Variants in VAV3 observed in about 807,000 individuals in gnomAD.
VAV3 encodes the protein guanine nucleotide exchange factor VAV3.
Under a neutral mutation model 131.2 loss-of-function variants are expected in VAV3, and 94 were observed. The observed-to-expected ratio is 0.72, with a 90% CI of 0.61 to 0.85. The LOEUF (loss-of-function observed/expected upper bound fraction) is 0.85, where lower values mean the gene tolerates loss of function less well. VAV3 is among the 40% of genes least tolerant of loss of function. VAV3 has a pLI of 0.00. For synonymous variants in VAV3, 349 were observed against 342.0 expected (o/e 1.02, Z -0.22); for missense variants, 939 against 1,002.7 (o/e 0.94, Z 0.86).
At chr1:107,825,647 C>T (rs960762759) in intron 2 of VAV3, among the ~76,000 whole-genome samples, 1 of 152,090 alleles carries the variant, frequency 6.6e-6, no homozygotes, top group Non-Finnish European at 1.5e-5. Flanking sequence ...TTGACCTTTC[C>T]TACCCCAATG....
chr1:107,962,228 C>T (rs923690618), intron 1 of VAV3, among the ~76,000 whole-genome samples: 4 of 152,202 alleles, frequency 2.6e-5, no homozygotes, highest in African/African-American at 9.7e-5. Flanking sequence ...ACATCTCTAA[C>T]TCCAGGGGAA....
At chr1:107,724,076 T>C (rs1661684995) in intron 15 of VAV3, among the ~76,000 whole-genome samples, 1 of 152,210 alleles carries the variant, frequency 6.6e-6, no homozygotes, top group Non-Finnish European at 1.5e-5. Flanking sequence ...TTAAGGAGTA[T>C]AGAAATTAAT....
At position 107,657,480 on chromosome 1, in the gene VAV3, T is replaced by C. The variant is rs570052386; in HGVS notation, c.1778-14725A>G. On this transcript the variant is annotated intron_variant, in intron 19 of 26. Transcript: ENST00000370056. Reference sequence around the variant, plus strand: ...CTATCTCAGGAAATAATGAGCACTATAGAAAAGGACGGCTAAGAAAGAATT... The same window carrying C: ...CTATCTCAGGAAATAATGAGCACTACAGAAAAGGACGGCTAAGAAAGAATT... Among the ~76,000 whole-genome samples the C allele has an allele frequency of 1.2e-3, 188 of 152,334 alleles. 1 individual carries two copies. Among genetic ancestry groups the C allele is most frequent in the Admixed American group, 2.2e-3 (34 of 15,294 alleles).
At chr1:107,736,752 T>C (rs1662663776) in intron 15 of VAV3, among the ~76,000 whole-genome samples, 1 of 151,834 alleles carries the variant, frequency 6.6e-6, no homozygotes, top group Non-Finnish European at 1.5e-5. Flanking sequence ...ATAGGAAGAA[T>C]CAATATCGTA....
At chr1:107,581,648 T>A (rs965221047) in intron 25 of VAV3, among the ~76,000 whole-genome samples, 2 of 152,120 alleles carry the variant, frequency 1.3e-5, no homozygotes, top group African/African-American at 4.8e-5. Context: ...AGAATGCCAA[T>A]TAAAAAGAAA....
chr1:107,861,275 C>T (rs1669725370), intron 2 of VAV3, among the ~76,000 whole-genome samples: 1 of 151,628 alleles, frequency 6.6e-6, no homozygotes, highest in South Asian at 2.1e-4. Context: ...GCTAAAAATA[C>T]TTCAACAATT....
chr1:107,867,690 G>A (rs1049422427), intron 2 of VAV3, among the ~76,000 whole-genome samples: 1 of 152,172 alleles, frequency 6.6e-6, no homozygotes, highest in Non-Finnish European at 1.5e-5. Context: ...AAGCAAACGC[G>A]GCCTTGGTGA....
At chr1:107,871,451 G>A (rs1670249760) in intron 2 of VAV3, among the ~76,000 whole-genome samples, 1 of 150,718 alleles carries the variant, frequency 6.6e-6, no homozygotes, top group African/African-American at 2.4e-5. Flanking sequence ...GAAGGCCTCT[G>A]CTGACTCTTA....
chr1:107,610,955 A>G (rs987666978), intron 21 of VAV3, among the ~76,000 whole-genome samples: 4 of 152,170 alleles, frequency 2.6e-5, no homozygotes, highest in Non-Finnish European at 5.9e-5. Flanking sequence ...GAACTAGCCA[A>G]TGTGAACATG....
chr1:107,891,126 A>G (rs1281111019), intron 1 of VAV3, among the ~76,000 whole-genome samples: 1 of 148,404 alleles, frequency 6.7e-6, no homozygotes, highest in Non-Finnish European at 1.5e-5. Flanking sequence ...TCCTACCACA[A>G]TTATTGCTAG....
rs552434763 is a variant in VAV3, at chr1:107,669,612, G to GT, written c.1777+13875dup. 143 of 1,061,648 alleles carry GT rather than the reference G, an allele frequency of 1.3e-4. No individual in the cohort carries two copies. The African/African-American group carries it at 2.3e-3, about 17-fold the overall frequency. 65.8% of individuals were successfully genotyped at this position (1,061,648 alleles called of 1,614,324 possible). A position where few individuals can be genotyped will look rare whatever the true frequency, so the allele number is the denominator to read the frequency against. ...AGAGCCTCCTTTTCTTGCACAACAG[G>GT]TTTTTTTGTTTTTCCTATTTATGAT... On this transcript the variant is annotated intron_variant, in intron 19 of 26. Transcript: ENST00000370056.
chr1:107,733,529 T>C (rs1662392298), intron 15 of VAV3, among the ~76,000 whole-genome samples: 1 of 151,922 alleles, frequency 6.6e-6, no homozygotes, highest in Non-Finnish European at 1.5e-5. Flanking sequence ...GAATAAACAG[T>C]GTAGAGAAGA....
chr1:107,895,908 C>T (rs1194881874), intron 1 of VAV3, among the ~76,000 whole-genome samples: 1 of 152,150 alleles, frequency 6.6e-6, no homozygotes, highest in African/African-American at 2.4e-5. Flanking sequence ...GAAATTACCC[C>T]TGAAACAATT....
At chr1:107,760,281 G>A (rs1200200952) in intron 10 of VAV3, among the ~76,000 whole-genome samples, 4 of 152,174 alleles carry the variant, frequency 2.6e-5, no homozygotes, top group Admixed American at 6.5e-5. Flanking sequence ...AAGACTAACC[G>A]TGGAAACCAT....
At chr1:107,748,790 G>A (rs1430151795) in intron 15 of VAV3, among the ~76,000 whole-genome samples, 178 bp downstream of exon 15, 1 of 152,126 alleles carries the variant, frequency 6.6e-6, no homozygotes, top group African/African-American at 2.4e-5. Context: ...TCTCCTAGGA[G>A]ACCAAAGTTA....
At chr1:107,681,339 CTTGTTT>C (rs1308958813) in intron 19 of VAV3, among the ~76,000 whole-genome samples, 2,181 of 152,248 alleles carry the variant, frequency 0.014, 56 homozygotes, top group African/African-American at 0.05. Context: ...TTACTGATCC[CTTGTTT>C]AAACATTTTG....
chr1:107,875,746 A>C (rs541596283), intron 1 of VAV3, among the ~76,000 whole-genome samples: 1 of 152,290 alleles, frequency 6.6e-6, no homozygotes, highest in Admixed American at 6.5e-5. Context: ...TGTTGTGCTG[A>C]ATATAGAGTG....
intron 2 of VAV3, among the ~76,000 whole-genome samples, chr1:107,868,605 C>G (rs1670111413): frequency 6.6e-6 from 1 of 152,174 alleles, no homozygotes; most frequent in Admixed American, 6.5e-5. Context: ...AAAGCATTGA[C>G]TATGAAGCTG....
chr1:107,697,525 A>AT (rs1206718770), intron 17 of VAV3, among the ~76,000 whole-genome samples: 1 of 152,176 alleles, frequency 6.6e-6, no homozygotes, highest in African/African-American at 2.4e-5. Flanking sequence ...TTAAAAAAAC[A>AT]TTTTCCTGCT....
Sources: allele counts gnomAD v4.1 joint callset (sites outside exome capture counted in the v4.1 genomes callset), GRCh38; gene constraint gnomAD v4.1.1; transcripts MANE v1.5; gene names NCBI Gene and HGNC (gene_info 2026-07-23, HGNC 2026-07-21).